Variants in TRIM9 observed in about 807,000 individuals in gnomAD.
TRIM9 encodes tripartite motif containing 9.
TRIM9 carries 26 observed loss-of-function variants against 78.3 expected under a neutral mutation model. The observed-to-expected ratio is 0.33, with a 90% CI of 0.24 to 0.46. The LOEUF (loss-of-function observed/expected upper bound fraction) is 0.46, where lower values mean the gene tolerates loss of function less well. Ranked by LOEUF, TRIM9 falls within the 20% of genes least tolerant of loss-of-function variation. TRIM9 has a pLI of 1.00. For missense variants in TRIM9, 787 were observed against 1,036.4 expected, an observed-to-expected ratio of 0.76 and a Z score of 3.30; for synonymous variants, 398 against 416.5, an observed-to-expected ratio of 0.96 and a Z score of 0.54.
intron 7 of TRIM9, among the ~76,000 whole-genome samples, chr14:50,989,573 A>C (rs2053210081): frequency 6.6e-6 from 1 of 152,216 alleles, no homozygotes; most frequent in South Asian, 2.1e-4. Context: ...GAGAAAAATG[A>C]GGAGCTCCTG....
intron 1 of TRIM9, among the ~76,000 whole-genome samples, chr14:51,051,297 G>C (rs1490204683): frequency 6.6e-6 from 1 of 152,176 alleles, no homozygotes; most frequent in African/African-American, 2.4e-5. Flanking sequence ...GAGCTCAAAA[G>C]ACACAGATTG....
chr14:51,046,869 G>A (rs1186932672), intron 1 of TRIM9, among the ~76,000 whole-genome samples: 1 of 152,180 alleles, frequency 6.6e-6, no homozygotes, highest in Non-Finnish European at 1.5e-5. Context: ...TTTCAACAGT[G>A]CTTGGCATAT....
chr14:51,081,899 C>G (rs184104849), intron 1 of TRIM9, among the ~76,000 whole-genome samples: 55 of 152,326 alleles, frequency 3.6e-4, no homozygotes, highest in African/African-American at 1.3e-3. Flanking sequence ...CACGTGTTCT[C>G]TAACCTGGAA....
At chr14:50,996,145 T>C (rs2054180532) in intron 7 of TRIM9, 1 of 985,182 alleles carries the variant, frequency 1.0e-6, no homozygotes, top group Non-Finnish European at 1.2e-6. Flanking sequence ...CTGATATCTA[T>C]ATGATGATAG....
chr14:51,057,966 T>A (rs2061020911), intron 1 of TRIM9, among the ~76,000 whole-genome samples: 1 of 152,236 alleles, frequency 6.6e-6, no homozygotes, highest in African/African-American at 2.4e-5. Flanking sequence ...GCCAGTTTAC[T>A]CTGATTTTAA....
intron 1 of TRIM9, among the ~76,000 whole-genome samples, chr14:51,081,710 C>T (rs747895552): frequency 4.6e-5 from 7 of 152,192 alleles, no homozygotes; most frequent in South Asian, 2.1e-4. Context: ...CCCCTTCTCA[C>T]GTTTGATAAT....
chr14:51,052,951 GT>G (rs1168402939), intron 1 of TRIM9, among the ~76,000 whole-genome samples: 3 of 152,132 alleles, frequency 2.0e-5, no homozygotes, highest in African/African-American at 7.2e-5. Flanking sequence ...GAGCTCAGGA[GT>G]TTCAGACCAG....
At position 50,977,177 on chromosome 14, in the gene TRIM9, C is replaced by T. The variant is rs2071188722; in HGVS notation, c.*114G>A. The stretch of plus-strand genomic sequence containing the variant: ...GACTGCAGAGGACCAGCTTTTCTCT[C>T]CTCCTTCTCCCACTCCTGCCAACTC... On this transcript the variant is annotated 3_prime_UTR_variant, in exon 13 of 13. Coordinates refer to ENST00000684578, the MANE Select transcript of TRIM9 (RefSeq NM_001387360.1). 1.3e-6 allele frequency: 1 copy of T among 791,984 alleles called. No individual in the cohort carries two copies. The highest frequency in any genetic ancestry group is 3.1e-5 in the East Asian group (1 of 32,102). The allele number at this position is 791,984 out of a possible 1,614,324, so 49.1% of individuals were successfully genotyped here. A position where few individuals can be genotyped will look rare whatever the true frequency, so the allele number is the denominator to read the frequency against.
intron 1 of TRIM9, among the ~76,000 whole-genome samples, chr14:51,055,486 T>C (rs570473381): frequency 6.6e-6 from 1 of 152,336 alleles, no homozygotes; most frequent in East Asian, 1.9e-4. Context: ...ACTATCAAAA[T>C]GTAATCACAA....
chr14:51,016,033 G>C (rs2057150775), intron 3 of TRIM9, among the ~76,000 whole-genome samples: 1 of 152,086 alleles, frequency 6.6e-6, no homozygotes, highest in Non-Finnish European at 1.5e-5. Context: ...CTCAGTATCT[G>C]TGGGGGATTG....
intron 7 of TRIM9, chr14:50,997,297 G>A: frequency 2.0e-6 from 2 of 985,356 alleles, no homozygotes; most frequent in Non-Finnish European, 2.4e-6. Flanking sequence ...TGTCTTTGAT[G>A]ACCAAAATAT....
In TRIM9 at chr14:51,094,995, G is replaced by T; in HGVS notation, c.-56C>A. Reference sequence around the variant, plus strand: ...CTGCAGCGGGTGCCTGAGCTGGCGAGGTGGCCGACGGGCCCGTCTTGTCCA... The same window carrying T: ...CTGCAGCGGGTGCCTGAGCTGGCGATGTGGCCGACGGGCCCGTCTTGTCCA... On this transcript the variant is annotated 5_prime_UTR_variant, in exon 1 of 13. Coordinates refer to ENST00000684578, the MANE Select transcript of TRIM9 (RefSeq NM_001387360.1). 1 of 1,307,700 alleles carries T rather than the reference G, an allele frequency of 7.6e-7. No homozygotes were observed. The highest frequency in any genetic ancestry group is 9.9e-7 in the Non-Finnish European group (1 of 1,007,640). The allele number at this position is 1,307,700 out of a possible 1,614,324, so 81.0% of individuals were successfully genotyped here.
chr14:51,018,051 C>A (rs1271262664), intron 3 of TRIM9, among the ~76,000 whole-genome samples: 2 of 152,194 alleles, frequency 1.3e-5, no homozygotes, highest in African/African-American at 4.8e-5. Flanking sequence ...TTGGCTTCTA[C>A]AGACTTCTGC....
At chr14:51,010,516 C>T (rs1479508734) in intron 3 of TRIM9, 22 bp from the exon 4 acceptor site, 5 of 1,573,176 alleles carry the variant, frequency 3.2e-6, no homozygotes, top group Middle Eastern at 1.7e-4. Flanking sequence ...AAAAAAACAA[C>T]AGAACAGTCC....
intron 1 of TRIM9, among the ~76,000 whole-genome samples, chr14:51,061,734 G>T (rs1390546283): frequency 8.5e-5 from 13 of 152,078 alleles, no homozygotes; most frequent in Admixed American, 8.5e-4. Context: ...TTTTTATTAT[G>T]TATTCATTTA....
intron 7 of TRIM9, chr14:50,996,289 C>T: frequency 4.1e-6 from 4 of 985,226 alleles, no homozygotes; most frequent in Non-Finnish European, 4.8e-6. Flanking sequence ...AGAAAATGAC[C>T]CCCAGTTCTG....
chr14:51,039,389 T>C (rs2059409566), intron 1 of TRIM9, among the ~76,000 whole-genome samples: 1 of 152,244 alleles, frequency 6.6e-6, no homozygotes, highest in Non-Finnish European at 1.5e-5. Context: ...ACAGCTCAGA[T>C]GTCTACCAAC....
Position 51,078,742 on chromosome 14 carries a change from G to A in TRIM9, c.822+15376C>T, listed in dbSNP as rs536684031. 2.6e-5 allele frequency among the ~76,000 whole-genome samples: 4 copies of A among 152,322 alleles called. No individual in the cohort carries two copies. In the South Asian group the frequency reaches 8.3e-4, roughly 32 times the overall value. ...AGAGAATAAAATAGTGGTTACCATGGTGGGGAGAAAATGAAGGAGATGTAA... is the reference window on the plus strand; with the variant it reads ...AGAGAATAAAATAGTGGTTACCATGATGGGGAGAAAATGAAGGAGATGTAA... On this transcript the variant is annotated intron_variant, in intron 1 of 12. Coordinates refer to ENST00000684578, the MANE Select transcript of TRIM9 (RefSeq NM_001387360.1).
intron 1 of TRIM9, among the ~76,000 whole-genome samples, chr14:51,039,874 G>A (rs2059445063): frequency 6.6e-6 from 1 of 152,004 alleles, no homozygotes; most frequent in African/African-American, 2.4e-5. Context: ...AGCCTCCTGA[G>A]TAGCTGGGAC....
Sources: gnomAD v4.1 joint callset for allele counts (sites outside exome capture counted in the v4.1 genomes callset) on GRCh38, gnomAD v4.1.1 for gene constraint, MANE v1.5 for transcripts, NCBI Gene and HGNC (gene_info 2026-07-23, HGNC 2026-07-21) for gene names.